The following LRRC37B variants were observed in gnomAD, a reference collection of about 807,000 sequenced individuals.
The protein encoded by LRRC37B is leucine-rich repeat-containing protein 37B.
Under a neutral mutation model 98.3 loss-of-function variants are expected in LRRC37B, and 28 were observed. The ratio of observed to expected loss-of-function variants is 0.28; its 90% CI spans 0.21 to 0.39. The LOEUF (loss-of-function observed/expected upper bound fraction) is 0.39. LRRC37B is among the 10% of genes least tolerant of loss of function. LRRC37B has a pLI of 1.00. For synonymous variants in LRRC37B, 364 were observed against 442.7 expected, an observed-to-expected ratio of 0.82 and a Z score of 2.23; for missense variants, 938 against 1,182.7, an observed-to-expected ratio of 0.79 and a Z score of 3.03.
intron 11 of LRRC37B, 161 bp downstream of exon 14, chr17:32,050,268 A>G (rs1911714865): frequency 1.6e-6 from 1 of 608,650 alleles, no homozygotes; most frequent in Non-Finnish European, 3.1e-6. Context: ...TGTATATTCC[A>G]GGATTGTTAA....
chr17:32,025,813 T>C (rs1910936807), intron 2 of LRRC37B, among the ~76,000 whole-genome samples: 1 of 152,228 alleles, frequency 6.6e-6, no homozygotes, highest in Admixed American at 6.5e-5. Flanking sequence ...AAATTTTAAT[T>C]GTCCTCAAAA....
intron 9 of LRRC37B, 127 bp from the exon 13 acceptor site, chr17:32,048,975 G>A (rs1911666879): frequency 1.4e-5 from 22 of 1,534,290 alleles, no homozygotes; most frequent in South Asian, 3.4e-5. Flanking sequence ...GGCAGTTTCC[G>A]CTGGGACTGC....
At chr17:32,053,245 T>C (rs1911807779) in intron 11 of LRRC37B, 21 bp from the exon 15 acceptor site, 1 of 1,580,464 alleles carries the variant, frequency 6.3e-7, no homozygotes, top group Admixed American at 1.8e-5. Context: ...ATAACCTTAA[T>C]TGTGTTTTCT....
chr17:32,053,015 G>C (rs1465109511), intron 11 of LRRC37B: 1 of 444,770 alleles, frequency 2.2e-6, no homozygotes, highest in East Asian at 4.8e-5. Context: ...ACCATTATAC[G>C]TAAGGTATTG....
chr17:32,043,768 C>T (rs1380337604), intron 7 of LRRC37B, among the ~76,000 whole-genome samples: 8 of 152,148 alleles, frequency 5.3e-5, no homozygotes, highest in Non-Finnish European at 1.0e-4. Context: ...AAACTCTATA[C>T]ATCATACCCC....
Position 32,044,568 on chromosome 17 carries a change from A to T in LRRC37B, c.2205-1132A>T, listed in dbSNP as rs532683216. 1.6e-3 allele frequency among the ~76,000 whole-genome samples: 250 copies of T among 152,192 alleles called. 2 individuals are homozygous for T. Among genetic ancestry groups the T allele is most frequent in the Non-Finnish European group, 2.7e-3 (181 of 68,010 alleles). ...TAAGTTTGATCACTTGTTTAAGGTG[A>T]TCTTCCAGATCTCTCCACTGTGGTT... On this transcript the variant is annotated intron_variant, in intron 7 of 11. Coordinates refer to ENST00000327564, the Ensembl canonical transcript of LRRC37B.
chr17:32,018,723 TATA>T (rs906816502), upstream of LRRC37B, among the ~76,000 whole-genome samples: 2 of 152,206 alleles, frequency 1.3e-5, no homozygotes, highest in Non-Finnish European at 2.9e-5. Flanking sequence ...TTTCAAAAAC[TATA>T]ATGCCTTTCA....
exon 1 of LRRC37B, chr17:32,021,542 A>G (rs1460317266): frequency 6.2e-7 from 1 of 1,614,086 alleles, no homozygotes. Context: ...AAAGGCTCCC[A>G]GAGGTGGTTC....
intron 8 of LRRC37B, chr17:32,047,136 G>GT (rs1247370312): frequency 1.3e-5 from 2 of 158,498 alleles, no homozygotes; most frequent in African/African-American, 4.8e-5. Flanking sequence ...TGGACACAGT[G>GT]TTTTTTTCCA....
intron 6 of LRRC37B, among the ~76,000 whole-genome samples, chr17:32,035,299 A>T (rs183437875): frequency 1.3e-5 from 2 of 152,142 alleles, no homozygotes; most frequent in Non-Finnish European, 2.9e-5. Flanking sequence ...GTAAATCAAG[A>T]TGGGTGAATG....
chr17:32,041,023 T>C (rs759526360), intron 7 of LRRC37B: 2 of 782,668 alleles, frequency 2.6e-6, no homozygotes, highest in Non-Finnish European at 4.7e-6. Context: ...GAAACCAGCA[T>C]GCACAACCTC....
At chr17:32,019,890 T>G (rs1169926752), upstream of LRRC37B, among the ~76,000 whole-genome samples, 1 of 152,166 alleles carries the variant, frequency 6.6e-6, no homozygotes, top group Non-Finnish European at 1.5e-5. Context: ...TCTCTCTTGT[T>G]GCCCAGGCTG....
At chr17:32,035,607 C>A in exon 7 of LRRC37B, 2 of 1,611,982 alleles carry the variant, frequency 1.2e-6, no homozygotes, top group Non-Finnish European at 1.7e-6. Flanking sequence ...CACTTAAGAA[C>A]ATTCTCACGA....
At chr17:32,034,384 C>G (rs1223303890) in intron 5 of LRRC37B, among the ~76,000 whole-genome samples, 1 of 151,496 alleles carries the variant, frequency 6.6e-6, no homozygotes, top group Non-Finnish European at 1.5e-5. Context: ...CAACTGTAAT[C>G]CCAGCTACTC....
intron 1 of LRRC37B, among the ~76,000 whole-genome samples, chr17:32,011,718 A>G (rs752596754): frequency 8.6e-5 from 13 of 151,516 alleles, no homozygotes; most frequent in South Asian, 6.2e-4. Flanking sequence ...GCTGGTCTCA[A>G]ACTCCTGACC....
In LRRC37B at chr17:32,024,319, C is replaced by G; in HGVS notation, c.1761-392C>G. On this transcript the variant is annotated intron_variant, in intron 1 of 11. Coordinates refer to ENST00000327564, the Ensembl canonical transcript of LRRC37B. ...TTTGGTGTTGCCTGGCATGGGGTTT[C>G]TTTCTACTTATTTATCGATAAAGAT... The G allele has an allele frequency of 5.3e-6, 3 of 567,900 alleles. No homozygotes were observed. In the South Asian group the frequency reaches 6.2e-5, roughly 12 times the overall value. 35.2% of individuals were successfully genotyped at this position (567,900 alleles called of 1,614,324 possible).
chr17:32,049,375 A>G (rs746287105), exon 10 of LRRC37B: 2 of 1,610,160 alleles, frequency 1.2e-6, no homozygotes, highest in Non-Finnish European at 1.7e-6. Flanking sequence ...AATGAACAGA[A>G]AGAGCAGAAG....
chr17:32,024,417 T>G (rs1305131264), intron 1 of LRRC37B: 1 of 626,432 alleles, frequency 1.6e-6, no homozygotes, highest in Non-Finnish European at 2.9e-6. Flanking sequence ...TTTAGACACA[T>G]AAGTGCTTTT....
chr17:32,023,041 CT>C (rs1910847324), intron 1 of LRRC37B, among the ~76,000 whole-genome samples: 1 of 152,106 alleles, frequency 6.6e-6, no homozygotes, highest in Non-Finnish European at 1.5e-5. Context: ...TTTACTCTTA[CT>C]CGTTTTCTTA....
Sources: gnomAD v4.1 joint callset for allele counts (sites outside exome capture counted in the v4.1 genomes callset) on GRCh38, gnomAD v4.1.1 for gene constraint, MANE v1.5 for transcripts, NCBI Gene and HGNC (gene_info 2026-07-23, HGNC 2026-07-21) for gene names.